The following MYO6 variants were observed in gnomAD, a reference collection of about 807,000 sequenced individuals.
MYO6 encodes myosin VI.
A neutral mutation model predicts 178.7 loss-of-function variants in MYO6; 74 were observed. The ratio of observed to expected loss-of-function variants is 0.41; its 90% CI spans 0.34 to 0.50. The LOEUF (loss-of-function observed/expected upper bound fraction) is 0.50. Among genes scored for constraint, MYO6 ranks in the 20% least tolerant of loss-of-function variants. MYO6 has a pLI of 0.09. For synonymous variants in MYO6, 477 were observed against 504.6 expected, an observed-to-expected ratio of 0.95 and a Z score of 0.73; for missense variants, 1,330 against 1,547.4, an observed-to-expected ratio of 0.86 and a Z score of 2.36.
chr6:75,824,548 TTGCACACACACACACA>T (rs767745750), intron 3 of MYO6, among the ~76,000 whole-genome samples: 69 of 152,198 alleles, frequency 4.5e-4, no homozygotes, highest in Admixed American at 1.4e-3. Flanking sequence ...TGTTATACAC[TTGCACACACACACACA>T]TGCACACACA....
rs570170432 is a variant in MYO6, at chr6:75,804,653, C to G, written c.-47-12848C>G. Among the ~76,000 whole-genome samples the G allele has an allele frequency of 5.9e-5, 9 of 152,066 alleles. No individual in the cohort carries two copies. In the South Asian group the frequency reaches 1.7e-3, roughly 28 times the overall value. On this transcript the variant is annotated intron_variant, in intron 1 of 34. Coordinates refer to ENST00000369977, the MANE Select transcript of MYO6 (RefSeq NM_004999.4). The stretch of plus-strand genomic sequence containing the variant: ...GTCTCTTTTTGCTCACCTTTATACC[C>G]CCAACACCTGGCAGTATGTGGTACA...
rs184885515 is a variant in MYO6, at chr6:75,885,578, C to G, written c.2417-426C>G. On this transcript the variant is annotated intron_variant, in intron 23 of 34. Coordinates refer to ENST00000369977, the MANE Select transcript of MYO6 (RefSeq NM_004999.4). ...ATTCTCCTGCCTCAGCCTCCCATAG[C>G]TGGGATTACAGGCGCCCGCCACCAT... 4.0e-3 allele frequency among the ~76,000 whole-genome samples: 602 copies of G among 152,252 alleles called. 8 individuals carry two copies. The highest frequency in any genetic ancestry group is 0.014 in the African/African-American group (567 of 41,542).
At chr6:75,805,718 G>A (rs1770008012) in intron 1 of MYO6, among the ~76,000 whole-genome samples, 1 of 152,172 alleles carries the variant, frequency 6.6e-6, no homozygotes, top group Non-Finnish European at 1.5e-5. Context: ...TTCAGTTGAT[G>A]ATGGGGAATT....
chr6:75,790,160 T>G (rs1340221747), intron 1 of MYO6, among the ~76,000 whole-genome samples: 1 of 152,204 alleles, frequency 6.6e-6, no homozygotes, highest in Admixed American at 6.5e-5. Context: ...ATTGTTTTCT[T>G]AAGGATAGAT....
At chr6:75,828,761 A>AT (rs1272942830) in intron 4 of MYO6, 148 bp downstream of exon 4, 2 of 632,776 alleles carry the variant, frequency 3.2e-6, no homozygotes, top group Admixed American at 2.8e-5. Context: ...GAGGACAAAG[A>AT]TTTTTTTCTA....
In MYO6 at chr6:75,858,978, A is replaced by G. The variant is rs766225338; in HGVS notation, c.1458A>G (p.Glu486=). Residue 486 remains glutamate, a synonymous_variant, in exon 14 of 35, where the codon GAA becomes GAG. Coordinates refer to ENST00000369977, the MANE Select transcript of MYO6 (RefSeq NM_004999.4). Reference sequence around the variant, plus strand: ...AAAAACTTCAACAATTTTTTAATGAAAGGATTCTGAAGGAGGTAATTGCCA... The same window carrying G: ...AAAAACTTCAACAATTTTTTAATGAGAGGATTCTGAAGGAGGTAATTGCCA... ...CNEKLQQFFN[E]RILKEEQELY... 1 of 1,589,526 alleles carries G rather than the reference A, an allele frequency of 6.3e-7. No individual in the cohort carries two copies. Among genetic ancestry groups the G allele is most frequent in the Admixed American group, 1.7e-5 (1 of 59,848 alleles).
intron 30 of MYO6, among the ~76,000 whole-genome samples, chr6:75,900,315 A>G (rs1317584277): frequency 6.6e-6 from 1 of 152,130 alleles, no homozygotes. Flanking sequence ...TGCCACACTG[A>G]CTTCCACAAT....
At chr6:75,845,941 C>T (rs534094268) in intron 10 of MYO6, among the ~76,000 whole-genome samples, 32 of 150,938 alleles carry the variant, frequency 2.1e-4, no homozygotes, top group East Asian at 5.8e-4. Context: ...AAGTGGAGAT[C>T]GCACCACTGT....
At position 75,900,033 on chromosome 6, in the gene MYO6, A is replaced by G. The variant is rs1055322288; in HGVS notation, c.3176+1622A>G. On this transcript the variant is annotated intron_variant, in intron 30 of 34. Coordinates refer to ENST00000369977, the MANE Select transcript of MYO6 (RefSeq NM_004999.4). ...AGTTTACTGAGAATGATGATTTCCA[A>G]TGTCATCCATGTCCCTGCAAAGGAC... Among the ~76,000 whole-genome samples the G allele has an allele frequency of 1.9e-4, 29 of 151,606 alleles. No homozygotes were observed. The South Asian group carries it at 2.5e-3, about 13-fold the overall frequency.
At chr6:75,909,084 C>T (rs1780568410) in intron 32 of MYO6, among the ~76,000 whole-genome samples, 1 of 152,102 alleles carries the variant, frequency 6.6e-6, no homozygotes, top group Non-Finnish European at 1.5e-5. Context: ...GAGATGAGGT[C>T]TTGCCATTTT....
At chr6:75,785,468 CTTTTCTTTTTTTT>C (rs1375192390) in intron 1 of MYO6, among the ~76,000 whole-genome samples, 2 of 132,572 alleles carry the variant, frequency 1.5e-5, no homozygotes, top group Non-Finnish European at 3.1e-5. Flanking sequence ...TTGGTCTTTT[CTTTTCTTTTTTTT>C]TTTTTTTTGA....
intron 1 of MYO6, among the ~76,000 whole-genome samples, chr6:75,812,918 A>G (rs886710304): frequency 1.3e-5 from 2 of 152,142 alleles, no homozygotes; most frequent in East Asian, 3.9e-4. Flanking sequence ...ATGGGAGTGC[A>G]GTTATCTCTT....
intron 11 of MYO6, among the ~76,000 whole-genome samples, chr6:75,850,953 G>GT (rs897952702): frequency 4.9e-4 from 74 of 149,780 alleles, no homozygotes; most frequent in African/African-American, 1.6e-3. Flanking sequence ...AAAATTTTTT[G>GT]TTTTTTTTTG....
At chr6:75,765,210 T>C (rs1387644151) in intron 1 of MYO6, among the ~76,000 whole-genome samples, 2 of 114,818 alleles carry the variant, frequency 1.7e-5, no homozygotes, top group Non-Finnish European at 3.3e-5. Context: ...AGAGTCTTGC[T>C]CTGTCACCCA....
intron 1 of MYO6, among the ~76,000 whole-genome samples, chr6:75,808,337 C>T (rs763600183): frequency 1.3e-5 from 2 of 152,170 alleles, no homozygotes; most frequent in Non-Finnish European, 2.9e-5. Context: ...TGTGTGTTCC[C>T]TTGGCCTTTC....
chr6:75,883,769 A>C (rs1778219105), intron 23 of MYO6, among the ~76,000 whole-genome samples: 1 of 152,164 alleles, frequency 6.6e-6, no homozygotes, highest in African/African-American at 2.4e-5. Context: ...ACTTGATTAC[A>C]TTTACAGTTG....
intron 1 of MYO6, among the ~76,000 whole-genome samples, chr6:75,782,255 C>T (rs1767058942): frequency 6.6e-6 from 1 of 152,014 alleles, no homozygotes; most frequent in South Asian, 2.1e-4. Flanking sequence ...TAATGTGTGT[C>T]AGTTTAAAAT....
At chr6:75,775,584 T>C (rs537369122) in intron 1 of MYO6, among the ~76,000 whole-genome samples, 1 of 152,324 alleles carries the variant, frequency 6.6e-6, no homozygotes, top group Non-Finnish European at 1.5e-5. Context: ...TGCTTATCTG[T>C]TGACAGTTGG....
At chr6:75,872,170 A>C (rs899851844) in intron 19 of MYO6, among the ~76,000 whole-genome samples, 3 of 152,100 alleles carry the variant, frequency 2.0e-5, no homozygotes, top group Non-Finnish European at 2.9e-5. Flanking sequence ...TAAATAAATA[A>C]AAGTGTTTGT....
Sources: allele counts gnomAD v4.1 joint callset (sites outside exome capture counted in the v4.1 genomes callset), GRCh38; gene constraint gnomAD v4.1.1; transcripts MANE v1.5; gene names NCBI Gene and HGNC (gene_info 2026-07-23, HGNC 2026-07-21).